ONECUT3: variants seen among roughly 807,000 people sequenced by gnomAD.
ONECUT3 encodes the protein one cut domain family member 3.
ONECUT3 carries 11 observed loss-of-function variants against 16.8 expected under a neutral mutation model. That is an observed-to-expected ratio of 0.66 (90% CI 0.41 to 1.09). ONECUT3 has a LOEUF of 1.09. Among genes scored for constraint, ONECUT3 ranks in the 50% least tolerant of loss-of-function variants. The probability of loss-of-function intolerance (pLI) is 0.00; values close to 1 mark genes in which losing one functional copy is unlikely to be tolerated. For missense variants in ONECUT3, 637 were observed against 629.9 expected, an observed-to-expected ratio of 1.01 and a Z score of -0.12; for synonymous variants, 344 against 310.7, an observed-to-expected ratio of 1.11 and a Z score of -1.13.
At position 1,754,980 on chromosome 19, in the gene ONECUT3, G is replaced by A; in HGVS notation, c.1192+126G>A. On this transcript the variant is annotated intron_variant, in intron 1 of 1. Transcript: ENST00000382349. This position sits in a 1 kb window ranked among gnomAD's most constrained non-coding sequence, Gnocchi z 7.4. ...CCCCGCCCGTGCGCCCCGGCAGCCC[G>A]GGACCCCCTATCAGGAAGCTAGACC... is the stretch of plus-strand genomic sequence containing the variant. 8.2e-7 allele frequency: 1 copy of A among 1,212,618 alleles called. No homozygotes were observed. The highest frequency in any genetic ancestry group is 1.0e-6 in the Non-Finnish European group (1 of 957,540). 75.1% of individuals were successfully genotyped at this position (1,212,618 alleles called of 1,614,324 possible). A position where few individuals can be genotyped will look rare whatever the true frequency, so the allele number is the denominator to read the frequency against.
Position 1,775,723 on chromosome 19 carries a change from AG to A in ONECUT3, c.*279del, listed in dbSNP as rs1307235451. 89 of 330,194 alleles carry A rather than the reference AG, an allele frequency of 2.7e-4. No homozygotes were observed. The East Asian group carries it at 5.4e-3, about 20-fold the overall frequency. The allele number at this position is 330,194 out of a possible 1,614,324, so 20.5% of individuals were successfully genotyped here. ...AGGGAGTGACAGAAAGGGGTTTCCC[AG>A]CCCCCTCTCCATTCAGGACGCCCAG... On this transcript the variant is annotated 3_prime_UTR_variant, in exon 2 of 2. Coordinates refer to ENST00000382349, the MANE Select transcript of ONECUT3 (RefSeq NM_001080488.2).
In ONECUT3 at chr19:1,758,534, G is replaced by C. The variant is rs1315499312; in HGVS notation, c.1192+3680G>C. ...CCCACTGCCCGTTCTGCGTGCCTCA[G>C]TTTACCCATCTGTAAAATGTGCGTG... is the stretch of plus-strand genomic sequence containing the variant. On this transcript the variant is annotated intron_variant, in intron 1 of 1. Coordinates refer to ENST00000382349, the MANE Select transcript of ONECUT3 (RefSeq NM_001080488.2). This position sits in a 1 kb window ranked among gnomAD's most constrained non-coding sequence, Gnocchi z 5.9. 2.0e-5 allele frequency among the ~76,000 whole-genome samples: 3 copies of C among 152,160 alleles called. No homozygotes were observed. The highest frequency in any genetic ancestry group is 4.4e-5 in the Non-Finnish European group (3 of 68,034).
chr19:1,764,847 G>A lies in ONECUT3; in HGVS notation c.1192+9993G>A, dbSNP rs938075724. Among the ~76,000 whole-genome samples the A allele has an allele frequency of 1.1e-4, 17 of 149,622 alleles. No individual in the cohort carries two copies. The highest frequency in any genetic ancestry group is 2.0e-4 in the Admixed American group (3 of 15,078). ...CAAGACACCAGCATGGGGGTGGGGG[G>A]CATCAGTACAACCCACATCTGGGGC... On this transcript the variant is annotated intron_variant, in intron 1 of 1. Coordinates refer to ENST00000382349, the MANE Select transcript of ONECUT3 (RefSeq NM_001080488.2). This position sits in a 1 kb window ranked among gnomAD's most constrained non-coding sequence, Gnocchi z 5.0.
intron 1 of ONECUT3, among the ~76,000 whole-genome samples, chr19:1,757,155 A>C (rs1282113026): frequency 1.3e-5 from 2 of 151,722 alleles, no homozygotes; most frequent in African/African-American, 2.4e-5. Context: ...GGCTCCCCGC[A>C]GCCGGGTCAG....
chr19:1,770,756 G>A (rs2068047062), intron 1 of ONECUT3, among the ~76,000 whole-genome samples: 1 of 152,184 alleles, frequency 6.6e-6, no homozygotes, highest in Non-Finnish European at 1.5e-5. Flanking sequence ...CCAAAGAGGT[G>A]AGAGGTCAAT....
Position 1,755,016 on chromosome 19 carries a change from C to T in ONECUT3, c.1192+162C>T, listed in dbSNP as rs2067909456. Among the ~76,000 whole-genome samples the T allele has an allele frequency of 6.6e-6, 1 of 152,154 alleles. No individual in the cohort carries two copies. The highest frequency in any genetic ancestry group is 2.4e-5 in the African/African-American group (1 of 41,450). On this transcript the variant is annotated intron_variant, in intron 1 of 1. Coordinates refer to ENST00000382349, the MANE Select transcript of ONECUT3 (RefSeq NM_001080488.2). This position sits in a 1 kb window ranked among gnomAD's most constrained non-coding sequence, Gnocchi z 7.5. ...TCAGGAAGCTAGACCGCGATCCGCG[C>T]CGCTGCCCGTTTGTACCGTTGCCAA... is the stretch of plus-strand genomic sequence containing the variant.
At chr19:1,763,714 T>G (rs2067960270) in intron 1 of ONECUT3, among the ~76,000 whole-genome samples, 1 of 149,482 alleles carries the variant, frequency 6.7e-6, no homozygotes, top group South Asian at 2.1e-4. Flanking sequence ...GGATAAATTC[T>G]TTTTATTTCC....
chr19:1,771,997 T>G, intron 1 of ONECUT3, among the ~76,000 whole-genome samples: 1 of 137,852 alleles, frequency 7.3e-6, no homozygotes, highest in East Asian at 2.0e-4. Flanking sequence ...TATTATTTAT[T>G]TATTTATTTA....
chr19:1,763,545 C>CA (rs112683213), intron 1 of ONECUT3, among the ~76,000 whole-genome samples: 8 of 151,630 alleles, frequency 5.3e-5, no homozygotes, highest in African/African-American at 1.7e-4. Flanking sequence ...GACCCTGTCT[C>CA]AAAAAATGAT....
In ONECUT3 at chr19:1,755,874, C is replaced by T. The variant is rs891892848; in HGVS notation, c.1192+1020C>T. On this transcript the variant is annotated intron_variant, in intron 1 of 1. Transcript: ENST00000382349. This position sits in a 1 kb window ranked among gnomAD's most constrained non-coding sequence, Gnocchi z 7.5. Reference sequence around the variant, plus strand: ...GGCAGCCCGGCCAGGCCCCCATTTCCTAGGTGGGGGTGTAAGGGTGCAGGA... The same window carrying T: ...GGCAGCCCGGCCAGGCCCCCATTTCTTAGGTGGGGGTGTAAGGGTGCAGGA... 1.3e-5 allele frequency among the ~76,000 whole-genome samples: 2 copies of T among 151,822 alleles called. No homozygotes were observed. The highest frequency in any genetic ancestry group is 2.9e-5 in the Non-Finnish European group (2 of 67,900).
rs941856286 is a variant in ONECUT3, at chr19:1,759,017, G to A, written c.1192+4163G>A. Among the ~76,000 whole-genome samples the A allele has an allele frequency of 2.0e-5, 3 of 152,182 alleles. No individual in the cohort carries two copies. Among genetic ancestry groups the A allele is most frequent in the African/African-American group, 7.2e-5 (3 of 41,442 alleles). ...TCCTGTGGGCACCATGGGGAGGCAG[G>A]AGCCCAGAATCCCTGAGGGATGGTG... On this transcript the variant is annotated intron_variant, in intron 1 of 1. Coordinates refer to ENST00000382349, the MANE Select transcript of ONECUT3 (RefSeq NM_001080488.2). This position sits in a 1 kb window ranked among gnomAD's most constrained non-coding sequence, Gnocchi z 4.1.
In ONECUT3 at chr19:1,758,300, CAAA is replaced by C. The variant is rs55658128; in HGVS notation, c.1192+3460_1192+3462del. On this transcript the variant is annotated intron_variant, in intron 1 of 1. Transcript: ENST00000382349. This position sits in a 1 kb window ranked among gnomAD's most constrained non-coding sequence, Gnocchi z 5.9. ...GAGACGAAAAGAGAGGCAGAGAGAC[CAAA>C]AAAAAAAAAAAAAGAGAGAGAGAGA... Among the ~76,000 whole-genome samples, 464 of 121,346 alleles carry C rather than the reference CAAA, an allele frequency of 3.8e-3. No individual in the cohort carries two copies. The highest frequency in any genetic ancestry group is 8.9e-3 in the South Asian group (32 of 3,614). 79.6% of individuals were successfully genotyped at this position (121,346 alleles called of 152,430 possible).
In ONECUT3 at chr19:1,758,750, T is replaced by C. The variant is rs1863578686; in HGVS notation, c.1192+3896T>C. ...CCCTGGCGCCGTCTCCAACAGTAAT[T>C]ATGGGAGAGGGGCTGGGGGAGGGGC... is the stretch of plus-strand genomic sequence containing the variant. On this transcript the variant is annotated intron_variant, in intron 1 of 1. Coordinates refer to ENST00000382349, the MANE Select transcript of ONECUT3 (RefSeq NM_001080488.2). The surrounding 1 kb of genome is among the most constrained non-coding windows in gnomAD (Gnocchi z 5.9). 6.7e-6 allele frequency among the ~76,000 whole-genome samples: 1 copy of C among 150,186 alleles called. No individual in the cohort carries two copies. The highest frequency in any genetic ancestry group is 1.5e-5 in the Non-Finnish European group (1 of 67,448).
Position 1,775,137 on chromosome 19 carries a change from CGCCGCT to C in ONECUT3, c.1193-15_1193-10del. ...GCTGTGTCCCGCTCGCCCGCCCGCCCGCCGCTCGCCCGCAGCCTGCAAGCGCAAGGA... is the reference window on the plus strand; with the variant it reads ...GCTGTGTCCCGCTCGCCCGCCCGCCCCGCCCGCAGCCTGCAAGCGCAAGGA... On this transcript the variant is annotated splice_polypyrimidine_tract_variant and intron_variant, in intron 1 of 1. Coordinates refer to ENST00000382349, the MANE Select transcript of ONECUT3 (RefSeq NM_001080488.2). The C allele has an allele frequency of 7.4e-7, 1 of 1,342,916 alleles. No homozygotes were observed. The highest frequency in any genetic ancestry group is 2.4e-5 in the Admixed American group (1 of 41,502). The allele number at this position is 1,342,916 out of a possible 1,614,324, so 83.2% of individuals were successfully genotyped here.
In ONECUT3 at chr19:1,754,059, G is replaced by A. The variant is rs1451098735; in HGVS notation, c.397G>A (p.Val133Met). The change falls in exon 1 of 2, where the codon GTG becomes ATG. Residue 133 changes from valine to methionine, a missense_variant. Transcript: ENST00000382349. The surrounding 1 kb of genome is among the most constrained non-coding windows in gnomAD (Gnocchi z 7.4). ...CCACCAGCACGCGGCGGCCGCGGCCGTGGCCGGGGCGCACGGCGGCCATCC... is the reference window on the plus strand; with the variant it reads ...CCACCAGCACGCGGCGGCCGCGGCCATGGCCGGGGCGCACGGCGGCCATCC... Reference protein sequence around the residue: ...KFHQHAAAAAVAGAHGGHPHA... With the variant: ...KFHQHAAAAAMAGAHGGHPHA... 5.0e-6 allele frequency: 5 copies of A among 994,292 alleles called. No homozygotes were observed. The highest frequency in any genetic ancestry group is 6.0e-6 in the Non-Finnish European group (5 of 837,620). 61.6% of individuals were successfully genotyped at this position (994,292 alleles called of 1,614,324 possible). A position where few individuals can be genotyped will look rare whatever the true frequency, so the allele number is the denominator to read the frequency against.
chr19:1,760,663 G>T (rs2067941925), intron 1 of ONECUT3, among the ~76,000 whole-genome samples: 1 of 151,888 alleles, frequency 6.6e-6, no homozygotes, highest in Non-Finnish European at 1.5e-5. Context: ...GGCGGTGGGG[G>T]GGGGCCAGGT....
At chr19:1,760,948 C>T (rs146068272) in intron 1 of ONECUT3, among the ~76,000 whole-genome samples, 10 of 152,070 alleles carry the variant, frequency 6.6e-5, no homozygotes, top group African/African-American at 2.4e-4. Context: ...CCTCCCATTC[C>T]GTGCTGCTTC....
At position 1,762,356 on chromosome 19, in the gene ONECUT3, C is replaced by T. The variant is rs756414287; in HGVS notation, c.1192+7502C>T. Among the ~76,000 whole-genome samples the T allele has an allele frequency of 1.8e-4, 27 of 152,226 alleles. No homozygotes were observed. The highest frequency in any genetic ancestry group is 3.7e-4 in the Non-Finnish European group (25 of 68,046). On this transcript the variant is annotated intron_variant, in intron 1 of 1. Transcript: ENST00000382349. This position sits in a 1 kb window ranked among gnomAD's most constrained non-coding sequence, Gnocchi z 4.4. Reference sequence around the variant, plus strand: ...TGGGGCTTTGGGAAGGTCGAGTAGACCCTCAGTGAGTGGGATGCGCGAGTT... The same window carrying T: ...TGGGGCTTTGGGAAGGTCGAGTAGATCCTCAGTGAGTGGGATGCGCGAGTT...
intron 1 of ONECUT3, among the ~76,000 whole-genome samples, chr19:1,757,680 G>A (rs2067923804): frequency 6.6e-6 from 1 of 152,248 alleles, no homozygotes; most frequent in South Asian, 2.1e-4. Context: ...TGGGGCGTAA[G>A]AGGTGGCGGG....
Sources: gnomAD v4.1 joint callset for allele counts (sites outside exome capture counted in the v4.1 genomes callset) on GRCh38, gnomAD v4.1.1 for gene constraint, Gnocchi (gnomAD v3.1) non-coding constraint, MANE v1.5 for transcripts, NCBI Gene and HGNC (gene_info 2026-07-23, HGNC 2026-07-21) for gene names.